Variants in ARSG observed in about 807,000 individuals in gnomAD.
ARSG encodes the protein ASG.
A neutral mutation model predicts 50.5 loss-of-function variants in ARSG; 37 were observed. That is an observed-to-expected ratio of 0.73 (90% CI 0.56 to 0.96). The LOEUF is 0.96. Among genes scored for constraint, ARSG ranks in the 50% least tolerant of loss-of-function variants. ARSG has a pLI of 0.00. For synonymous variants in ARSG, 225 were observed against 254.6 expected (o/e 0.88, Z 1.11); for missense variants, 629 against 675.3 (o/e 0.93, Z 0.76).
At chr17:68,320,943 T>G (rs2077259262) in intron 2 of ARSG, among the ~76,000 whole-genome samples, 1 of 152,018 alleles carries the variant, frequency 6.6e-6, no homozygotes, top group South Asian at 2.1e-4. Context: ...TATGAGACTG[T>G]GAAAAGGAAA....
intron 9 of ARSG, among the ~76,000 whole-genome samples, chr17:68,394,149 A>G (rs1568569639): frequency 6.6e-6 from 1 of 152,198 alleles, no homozygotes; most frequent in African/African-American, 2.4e-5. Context: ...TAAGCCACCA[A>G]GAATGAATTT....
At chr17:68,296,547 C>T (rs1052809417) in intron 1 of ARSG, among the ~76,000 whole-genome samples, 2 of 147,900 alleles carry the variant, frequency 1.4e-5, no homozygotes, top group East Asian at 3.9e-4. Flanking sequence ...TGAGGAGGGG[C>T]CCCGCCCTGC....
Position 68,420,236 on chromosome 17 carries a change from A to G in ARSG, c.1351A>G (p.Lys451Glu), listed in dbSNP as rs1443647175. The part of the protein sequence containing the change: ...DGSTGPELQH[K>E]FPLIFNLEDD... ...GAGCACGGGGCCTGAGCTGCAGCATAAGTTTCCTCTGATTTTCAACCTGGA... is the reference window on the plus strand; with the variant it reads ...GAGCACGGGGCCTGAGCTGCAGCATGAGTTTCCTCTGATTTTCAACCTGGA... The change falls in exon 12 of 12, where the codon AAG becomes GAG. Residue 451 changes from lysine to glutamate, a missense_variant. Coordinates refer to ENST00000621439, the MANE Select transcript of ARSG (RefSeq NM_001267727.2). 13 of 1,614,092 alleles carry G rather than the reference A, an allele frequency of 8.1e-6. No individual in the cohort carries two copies. The Admixed American group carries it at 2.0e-4, about 25-fold the overall frequency.
At chr17:68,285,746 GTGC>G (rs2075826139) in intron 1 of ARSG, 1 of 152,080 alleles carries the variant, frequency 6.6e-6, no homozygotes, top group African/African-American at 2.4e-5. Context: ...CTATAGGTAT[GTGC>G]TACCATGCCC....
the ARSG span, chr17:68,450,967 A>T: frequency 1.3e-6 from 2 of 1,542,564 alleles, no homozygotes; most frequent in Non-Finnish European, 1.7e-6. Context: ...CCTCCATGAC[A>T]CTGGGCCCGG....
chr17:68,447,925 A>G, the ARSG span, among the ~76,000 whole-genome samples: 4 of 143,208 alleles, frequency 2.8e-5, no homozygotes, highest in African/African-American at 1.0e-4. Flanking sequence ...CACGGGAGGT[A>G]GAGGTTGTGG....
intron 8 of ARSG, among the ~76,000 whole-genome samples, chr17:68,371,553 G>A (rs1050366227): frequency 1.3e-5 from 2 of 152,142 alleles, no homozygotes; most frequent in African/African-American, 4.8e-5. Context: ...CACTTTCTGA[G>A]ACTGCAGCCA....
intron 1 of ARSG, among the ~76,000 whole-genome samples, chr17:68,294,450 G>C (rs1555757422): frequency 6.6e-6 from 1 of 152,196 alleles, no homozygotes; most frequent in African/African-American, 2.4e-5. Flanking sequence ...TTACCAGCCT[G>C]TGAGAACTTC....
chr17:68,266,276 C>T (rs1165882979), intron 1 of ARSG, among the ~76,000 whole-genome samples: 1 of 151,198 alleles, frequency 6.6e-6, no homozygotes, highest in Non-Finnish European at 1.5e-5. Flanking sequence ...CTTAATACTT[C>T]CCTTGAATTA....
intron 1 of ARSG, chr17:68,267,473 G>C (rs2075193785): frequency 6.6e-6 from 1 of 152,176 alleles, no homozygotes; most frequent in Non-Finnish European, 1.5e-5. Context: ...AAATGTAGCA[G>C]GTGGTGATGA....
At chr17:68,309,068 T>G (rs1391728975) in intron 2 of ARSG, among the ~76,000 whole-genome samples, 1 of 152,222 alleles carries the variant, frequency 6.6e-6, no homozygotes, top group Non-Finnish European at 1.5e-5. Flanking sequence ...GGAAGGCAGC[T>G]AAGGCTCGGT....
upstream of ARSG, among the ~76,000 whole-genome samples, chr17:68,289,024 G>T (rs987399900): frequency 3.9e-5 from 6 of 152,124 alleles, no homozygotes; most frequent in African/African-American, 1.4e-4. Context: ...GGATTTCCTA[G>T]TAGCATGTGG....
At chr17:68,270,724 A>G in intron 1 of ARSG, 1 of 920,348 alleles carries the variant, frequency 1.1e-6, no homozygotes, top group Non-Finnish European at 1.6e-6. Flanking sequence ...TGGCAGCTCT[A>G]AAATTCAATG....
chr17:68,427,063 G>A, downstream of ARSG: 1 of 1,269,054 alleles, frequency 7.9e-7, no homozygotes, highest in Non-Finnish European at 1.1e-6. Context: ...GGGAAGGGGA[G>A]GGAGCGTGCA....
At chr17:68,355,518 C>A (rs1323642265) in intron 5 of ARSG, among the ~76,000 whole-genome samples, 1 of 152,082 alleles carries the variant, frequency 6.6e-6, no homozygotes, top group Non-Finnish European at 1.5e-5. Context: ...AGCACCACGG[C>A]TAATTTTTGT....
chr17:68,267,594 G>A (rs571877202), intron 1 of ARSG: 4 of 152,144 alleles, frequency 2.6e-5, no homozygotes, highest in Non-Finnish European at 4.4e-5. Flanking sequence ...TAACATTAAC[G>A]ATGAATAAAG....
the ARSG span, among the ~76,000 whole-genome samples, chr17:68,450,002 C>A: frequency 3.3e-5 from 5 of 152,264 alleles, no homozygotes; most frequent in South Asian, 6.2e-4. Flanking sequence ...TAGGGCAAGA[C>A]CCTGTCTCAA....
At chr17:68,298,252 A>C (rs561071302) in intron 1 of ARSG, among the ~76,000 whole-genome samples, 2 of 152,168 alleles carry the variant, frequency 1.3e-5, no homozygotes, top group South Asian at 4.2e-4. Context: ...TTGGCTTCAG[A>C]GATTCCTAAA....
At chr17:68,360,323 C>T (rs911019018) in intron 6 of ARSG, among the ~76,000 whole-genome samples, 2 of 152,198 alleles carry the variant, frequency 1.3e-5, no homozygotes, top group African/African-American at 4.8e-5. Flanking sequence ...GCAGAAAAGG[C>T]CCTCAGGTCC....
Sources: allele counts gnomAD v4.1 joint callset (sites outside exome capture counted in the v4.1 genomes callset), GRCh38; gene constraint gnomAD v4.1.1; transcripts MANE v1.5; gene names NCBI Gene and HGNC (gene_info 2026-07-23, HGNC 2026-07-21).